Variants in STT3B observed in about 807,000 individuals in gnomAD.
The protein encoded by STT3B is STT3 oligosaccharyltransferase complex catalytic subunit B, also known as dolichyl-diphosphooligosaccharide--protein glycosyltransferase subunit STT3B.
In STT3B, 29 loss-of-function variants were observed where a neutral mutation model predicts 96.8. The observed-to-expected ratio is 0.30, with a 90% confidence interval of 0.22 to 0.41. The LOEUF (loss-of-function observed/expected upper bound fraction) is 0.41, where lower values mean the gene tolerates loss of function less well. STT3B is among the 10% of genes least tolerant of loss of function. STT3B has a pLI of 1.00. For synonymous variants in STT3B, 367 were observed against 360.0 expected (o/e 1.02, Z -0.22); for missense variants, 640 against 1,022.3 (o/e 0.63, Z 5.10).
At chr3:31,582,501 G>C (rs1350455816) in intron 3 of STT3B, among the ~76,000 whole-genome samples, 1 of 151,818 alleles carries the variant, frequency 6.6e-6, no homozygotes, top group Non-Finnish European at 1.5e-5. Context: ...CACGATGTTG[G>C]TCAGGCTGGT....
chr3:31,572,518 T>C (rs1051491951), intron 1 of STT3B, among the ~76,000 whole-genome samples: 2 of 152,158 alleles, frequency 1.3e-5, no homozygotes, highest in African/African-American at 4.8e-5. Flanking sequence ...AATGTAATTG[T>C]TCTTACTATT....
chr3:31,625,207 T>G, intron 12 of STT3B, 122 bp downstream of exon 12: 1 of 806,512 alleles, frequency 1.2e-6, no homozygotes, highest in Middle Eastern at 2.7e-4. Context: ...TCAAAATACT[T>G]TTTTACACAT....
rs1455933205 is a variant in STT3B, at chr3:31,622,223, G to A, written c.1454G>A (p.Gly485Glu). 3 of 1,614,090 alleles carry A rather than the reference G, an allele frequency of 1.9e-6. No individual in the cohort carries two copies. Among genetic ancestry groups the A allele is most frequent in the South Asian group, 2.2e-5 (2 of 91,084 alleles). ...AFSNVFEHYL[G>E]DDMKRENPPV... ...TCAAATGTTTTTGAGCACTATTTGGGGGATGACATGAAAAGGGAAAATCCA... is the reference window on the plus strand; with the variant it reads ...TCAAATGTTTTTGAGCACTATTTGGAGGATGACATGAAAAGGGAAAATCCA... The change falls in exon 10 of 16, where the codon GGG becomes GAG. Residue 485 changes from glycine to glutamate, a missense_variant. Around this residue, in one of 8 missense-constraint regions of STT3B, gnomAD observed 149 missense variants for 250.2 expected, o/e 0.60. Transcript: ENST00000295770.
chr3:31,596,435 G>A (rs1389787453), intron 3 of STT3B, among the ~76,000 whole-genome samples: 1 of 152,116 alleles, frequency 6.6e-6, no homozygotes, highest in Non-Finnish European at 1.5e-5. Flanking sequence ...CCTCTCTGGA[G>A]TGTAGACACC....
chr3:31,551,201 T>TTTG, intron 1 of STT3B, among the ~76,000 whole-genome samples: 1 of 150,708 alleles, frequency 6.6e-6, no homozygotes, highest in East Asian at 2.0e-4. Flanking sequence ...TTTGGGTGTT[T>TTTG]TTTGTTTGTT....
At chr3:31,564,077 G>A (rs1697943402) in intron 1 of STT3B, among the ~76,000 whole-genome samples, 1 of 152,128 alleles carries the variant, frequency 6.6e-6, no homozygotes, top group Admixed American at 6.5e-5. Flanking sequence ...AGTATTCCCT[G>A]AATGAAAATT....
chr3:31,566,365 G>A (rs1698006032), intron 1 of STT3B, among the ~76,000 whole-genome samples: 1 of 152,146 alleles, frequency 6.6e-6, no homozygotes, highest in Non-Finnish European at 1.5e-5. Context: ...GACAACTTAT[G>A]TTACATATTG....
intron 1 of STT3B, among the ~76,000 whole-genome samples, chr3:31,559,911 G>C (rs941575884): frequency 1.3e-5 from 2 of 152,000 alleles, no homozygotes; most frequent in Non-Finnish European, 2.9e-5. Flanking sequence ...ATTTCTTCTA[G>C]TTGAATCCAC....
intron 6 of STT3B, among the ~76,000 whole-genome samples, 176 bp downstream of exon 6, chr3:31,615,379 G>T (rs1283559290): frequency 6.6e-6 from 1 of 151,798 alleles, no homozygotes; most frequent in Non-Finnish European, 1.5e-5. Context: ...CTCATTGCAA[G>T]GTTCATGACC....
Position 31,613,274 on chromosome 3 carries a change from C to A in STT3B, c.878-1831C>A, listed in dbSNP as rs151096399. 4.7e-3 allele frequency among the ~76,000 whole-genome samples: 720 copies of A among 152,064 alleles called. 7 individuals are homozygous for A. Among genetic ancestry groups the A allele is most frequent in the African/African-American group, 0.016 (657 of 41,498 alleles). Reference sequence around the variant, plus strand: ...GTTTGTATCATTTCTTATATTAAACCTAAATTCTGTGGCAGTGTTACAGCA... The same window carrying A: ...GTTTGTATCATTTCTTATATTAAACATAAATTCTGTGGCAGTGTTACAGCA... On this transcript the variant is annotated intron_variant, in intron 5 of 15. Coordinates refer to ENST00000295770, the MANE Select transcript of STT3B (RefSeq NM_178862.3).
intron 3 of STT3B, among the ~76,000 whole-genome samples, chr3:31,583,895 T>G (rs1332685305): frequency 1.3e-5 from 2 of 152,200 alleles, no homozygotes; most frequent in Non-Finnish European, 2.9e-5. Flanking sequence ...CTCTGGATAG[T>G]GTCCTTTGCA....
intron 13 of STT3B, among the ~76,000 whole-genome samples, chr3:31,628,930 C>A (rs1044486748): frequency 1.1e-4 from 16 of 152,234 alleles, no homozygotes; most frequent in Admixed American, 3.9e-4. Flanking sequence ...CATGGTGAAA[C>A]CCTGTCTCTA....
chr3:31,610,369 A>G (rs900967180), intron 5 of STT3B, among the ~76,000 whole-genome samples: 2 of 152,234 alleles, frequency 1.3e-5, no homozygotes, highest in Non-Finnish European at 2.9e-5. Context: ...GTGATTTAAC[A>G]TGGGTTAAAG....
At chr3:31,598,565 A>G (rs1698846341) in intron 4 of STT3B, among the ~76,000 whole-genome samples, 1 of 152,174 alleles carries the variant, frequency 6.6e-6, no homozygotes, top group Admixed American at 6.5e-5. Context: ...TCTTAAAATG[A>G]ATTTATGTGG....
intron 2 of STT3B, among the ~76,000 whole-genome samples, chr3:31,577,843 C>T (rs1477940988): frequency 6.6e-6 from 1 of 152,032 alleles, no homozygotes; most frequent in Non-Finnish European, 1.5e-5. Flanking sequence ...TTATCATATA[C>T]CTAAATTGTA....
intron 14 of STT3B, among the ~76,000 whole-genome samples, chr3:31,631,840 A>G (rs1699670099): frequency 1.3e-5 from 2 of 152,084 alleles, no homozygotes; most frequent in Non-Finnish European, 2.9e-5. Flanking sequence ...TTGTATGTCA[A>G]CATAAACTTA....
At chr3:31,565,049 T>G (rs959353863) in intron 1 of STT3B, among the ~76,000 whole-genome samples, 2 of 152,254 alleles carry the variant, frequency 1.3e-5, no homozygotes, top group Admixed American at 1.3e-4. Context: ...TGCCTGCCTG[T>G]CTTCTTTCCT....
intron 14 of STT3B, among the ~76,000 whole-genome samples, chr3:31,630,767 A>G (rs1699638092): frequency 6.6e-6 from 1 of 150,522 alleles, no homozygotes; most frequent in Admixed American, 6.7e-5. Context: ...CAATTTGTGA[A>G]TCAAGTTTTA....
At chr3:31,595,007 T>G (rs1006238144) in intron 3 of STT3B, among the ~76,000 whole-genome samples, 1 of 152,152 alleles carries the variant, frequency 6.6e-6, no homozygotes, top group Non-Finnish European at 1.5e-5. Context: ...TCCTTGGGCC[T>G]TTTATGGAGA....
Sources: gnomAD v4.1 joint callset for allele counts (sites outside exome capture counted in the v4.1 genomes callset) on GRCh38, gnomAD v4.1.1 for gene constraint, gnomAD v4.1.1 regional missense constraint, MANE v1.5 for transcripts, NCBI Gene and HGNC (gene_info 2026-07-23, HGNC 2026-07-21) for gene names.